The following PARL variants were observed in gnomAD, a reference collection of about 807,000 sequenced individuals.
The protein encoded by PARL is presenilin associated rhomboid like.
Under a neutral mutation model 51.6 loss-of-function variants are expected in PARL, and 44 were observed. That is an observed-to-expected ratio of 0.85 (90% CI 0.67 to 1.10). PARL has a LOEUF of 1.10. Among genes scored for constraint, PARL ranks in the 50% least tolerant of loss-of-function variants. The probability of loss-of-function intolerance (pLI) is 0.00; values close to 1 mark genes in which losing one functional copy is unlikely to be tolerated. For missense variants in PARL, 441 were observed against 469.5 expected, an observed-to-expected ratio of 0.94 and a Z score of 0.56; for synonymous variants, 172 against 164.0, an observed-to-expected ratio of 1.05 and a Z score of -0.37.
At position 183,833,608 on chromosome 3, in the gene PARL, C is replaced by T. The variant is rs571441055; in HGVS notation, c.931-19G>A. 1.3e-6 allele frequency: 2 copies of T among 1,570,550 alleles called. No individual in the cohort carries two copies. Among genetic ancestry groups the T allele is most frequent in the African/African-American group, 2.7e-5 (2 of 73,998 alleles). On this transcript the variant is annotated intron_variant, in intron 8 of 9. Transcript: ENST00000317096. ...TCAGGGCCTGAAAGGCAGCAAGAAA[C>T]AAGCGGCACAACTGTGATTGCTCCA...
intron 4 of PARL, among the ~76,000 whole-genome samples, chr3:183,849,642 G>A (rs1293760561): frequency 6.6e-6 from 1 of 150,538 alleles, no homozygotes; most frequent in Non-Finnish European, 1.5e-5. Flanking sequence ...AAAGAATGAA[G>A]AACATACGTA....
At chr3:183,871,868 CTG>C (rs1489598690) in intron 1 of PARL, among the ~76,000 whole-genome samples, 1 of 152,138 alleles carries the variant, frequency 6.6e-6, no homozygotes, top group African/African-American at 2.4e-5. Flanking sequence ...TATATGTAAA[CTG>C]TATCTCAATA....
downstream of PARL, among the ~76,000 whole-genome samples, chr3:183,828,194 CT>C (rs1727567115): frequency 6.6e-6 from 1 of 152,206 alleles, no homozygotes; most frequent in African/African-American, 2.4e-5. Context: ...GGACTTCTAA[CT>C]TTTTCCCAGT....
intron 1 of PARL, among the ~76,000 whole-genome samples, chr3:183,877,488 G>T (rs1368495534): frequency 4.6e-5 from 7 of 152,202 alleles, no homozygotes; most frequent in African/African-American, 1.4e-4. Context: ...AAGTTCTACT[G>T]TGGATAAAAT....
chr3:183,830,287 G>A (rs1355643296), intron 9 of PARL, among the ~76,000 whole-genome samples: 3 of 152,246 alleles, frequency 2.0e-5, no homozygotes, highest in African/African-American at 7.2e-5. Flanking sequence ...GAGCCTGGGA[G>A]GCTGACGCAC....
intron 7 of PARL, among the ~76,000 whole-genome samples, chr3:183,836,083 C>G (rs13084702): frequency 0.75 from 113,922 of 151,098 alleles, 43,281 homozygotes; most frequent in East Asian, 0.96. Flanking sequence ...TGGGCATGGT[C>G]GTGCATGCCT....
chr3:183,844,456 G>A, intron 4 of PARL, 130 bp from the exon 5 acceptor site: 2 of 678,946 alleles, frequency 2.9e-6, no homozygotes, highest in South Asian at 1.7e-5. Context: ...TAGGGGGTGA[G>A]CCAAAAAAAA....
intron 4 of PARL, among the ~76,000 whole-genome samples, chr3:183,857,040 C>CA (rs1210967390): frequency 1.3e-5 from 2 of 152,172 alleles, no homozygotes; most frequent in Admixed American, 1.3e-4. Flanking sequence ...AAATAATACT[C>CA]ATTTACATGG....
At chr3:183,874,373 C>T (rs1421662742) in intron 1 of PARL, among the ~76,000 whole-genome samples, 1 of 151,770 alleles carries the variant, frequency 6.6e-6, no homozygotes, top group East Asian at 1.9e-4. Flanking sequence ...CTGAAAGGAA[C>T]AGTCACATGT....
At chr3:183,827,760 T>A (rs1249801305), downstream of PARL, among the ~76,000 whole-genome samples, 1 of 151,856 alleles carries the variant, frequency 6.6e-6, no homozygotes, top group Non-Finnish European at 1.5e-5. Context: ...GGGGGGGTGG[T>A]CCCAGAGCCT....
At chr3:183,882,794 T>C (rs1344095980) in intron 1 of PARL, among the ~76,000 whole-genome samples, 1 of 152,204 alleles carries the variant, frequency 6.6e-6, no homozygotes, top group Non-Finnish European at 1.5e-5. Flanking sequence ...CAGACCCTAG[T>C]ATCACCACCT....
intron 3 of PARL, among the ~76,000 whole-genome samples, chr3:183,863,354 G>A (rs1246366167): frequency 6.6e-6 from 1 of 151,900 alleles, no homozygotes; most frequent in Non-Finnish European, 1.5e-5. Context: ...ATACAAGGGT[G>A]GAAAGGGAAG....
At chr3:183,864,791 GAAAC>G (rs1488424386) in intron 3 of PARL, among the ~76,000 whole-genome samples, 1 of 147,642 alleles carries the variant, frequency 6.8e-6, no homozygotes, top group Non-Finnish European at 1.5e-5. Context: ...AAAAAAAAAA[GAAAC>G]AAAATACATG....
chr3:183,836,367 GTAA>G (rs1728594938), intron 7 of PARL, among the ~76,000 whole-genome samples: 2 of 150,210 alleles, frequency 1.3e-5, no homozygotes, highest in African/African-American at 4.9e-5. Flanking sequence ...ATAACTTATT[GTAA>G]TTATTACATA....
intron 7 of PARL, among the ~76,000 whole-genome samples, chr3:183,836,804 C>T (rs1017145581): frequency 6.6e-6 from 1 of 152,078 alleles, no homozygotes; most frequent in Non-Finnish European, 1.5e-5. Flanking sequence ...AGTGCGGTGG[C>T]ACGATCTCAC....
At chr3:183,878,658 A>T (rs936202018) in intron 1 of PARL, among the ~76,000 whole-genome samples, 1 of 152,296 alleles carries the variant, frequency 6.6e-6, no homozygotes, top group Admixed American at 6.5e-5. Context: ...ATCTATTCAT[A>T]CCACAGGTTT....
At chr3:183,840,131 G>A (rs559750255) in intron 7 of PARL, among the ~76,000 whole-genome samples, 4 of 152,250 alleles carry the variant, frequency 2.6e-5, no homozygotes, top group Admixed American at 1.3e-4. Context: ...ACAAATAATC[G>A]TGATCATCTT....
At position 183,844,437 on chromosome 3, in the gene PARL, C is replaced by A. The variant is rs191069403; in HGVS notation, c.512-111G>T. ...CACAATTATGTAAGAGTACTGTATA[C>A]CTGGGGGATAGGGGGTGAGCCAAAA... On this transcript the variant is annotated intron_variant, in intron 4 of 9. Coordinates refer to ENST00000317096, the MANE Select transcript of PARL (RefSeq NM_018622.7). 1.4e-4 allele frequency: 107 copies of A among 760,540 alleles called. 1 individual carries two copies. In the East Asian group the frequency reaches 2.8e-3, roughly 20 times the overall value. 47.1% of individuals were successfully genotyped at this position (760,540 alleles called of 1,614,324 possible). A position where few individuals can be genotyped will look rare whatever the true frequency, so the allele number is the denominator to read the frequency against.
intron 1 of PARL, among the ~76,000 whole-genome samples, chr3:183,882,219 AAAAATATAT>A (rs2108727133): frequency 1.5e-5 from 1 of 68,330 alleles, no homozygotes; most frequent in South Asian, 4.3e-4. Context: ...AAAAAAAAAA[AAAAATATAT>A]ATATATATAT....
Sources: allele counts gnomAD v4.1 joint callset (sites outside exome capture counted in the v4.1 genomes callset), GRCh38; gene constraint gnomAD v4.1.1; transcripts MANE v1.5; gene names NCBI Gene and HGNC (gene_info 2026-07-23, HGNC 2026-07-21).